The following INTU variants were observed in gnomAD, a reference collection of about 807,000 sequenced individuals.
INTU encodes the protein inturned planar cell polarity protein.
Under a neutral mutation model 100.5 loss-of-function variants are expected in INTU, and 68 were observed. The ratio of observed to expected loss-of-function variants is 0.68; its 90% CI spans 0.56 to 0.83. INTU has a LOEUF of 0.83. INTU is among the 40% of genes least tolerant of loss of function. INTU has a pLI of 0.00. For missense variants in INTU, 1,071 were observed against 1,114.7 expected (o/e 0.96, Z 0.56); for synonymous variants, 357 against 395.7 (o/e 0.90, Z 1.16).
intron 2 of INTU, among the ~76,000 whole-genome samples, chr4:127,651,784 C>A (rs1727893729): frequency 6.6e-6 from 1 of 150,914 alleles, no homozygotes; most frequent in African/African-American, 2.5e-5. Flanking sequence ...ATGGGGATGG[C>A]ATTGAATCTG....
rs1408339185 is a variant in INTU at position 127,722,644 on chromosome 4, G to C, written c.*6208G>C. 2.0e-5 allele frequency: 3 copies of C among 152,334 alleles called. No homozygotes were observed. The highest frequency in any genetic ancestry group is 2.0e-4 in the Admixed American group (3 of 15,288). The allele number at this position is 152,334 out of a possible 1,614,324, so 9.4% of individuals were successfully genotyped here. A position where few individuals can be genotyped will look rare whatever the true frequency, so the allele number is the denominator to read the frequency against. On this transcript the variant is annotated 3_prime_UTR_variant, in exon 16 of 16. Coordinates refer to ENST00000335251, the MANE Select transcript of INTU (RefSeq NM_015693.4). The stretch of plus-strand genomic sequence containing the variant: ...GTTTTGTCCATAAACCCCTGGCTGG[G>C]GATGCTGAGATTCCCACAGGGAGGC...
chr4:127,676,515 G>A (rs1729191789), intron 6 of INTU, among the ~76,000 whole-genome samples: 1 of 151,772 alleles, frequency 6.6e-6, no homozygotes, highest in African/African-American at 2.4e-5. Context: ...GGGCCTTGGA[G>A]GCAGAGGTTG....
At chr4:127,651,061 G>T (rs1727844400) in intron 2 of INTU, among the ~76,000 whole-genome samples, 1 of 151,898 alleles carries the variant, frequency 6.6e-6, no homozygotes, top group South Asian at 2.1e-4. Context: ...TTTTTGATGG[G>T]GTTGTTTGTT....
chr4:127,643,915 CT>C lies in INTU; in HGVS notation c.543del (p.Leu182TrpfsTer39). 1 of 1,614,114 alleles carries C rather than the reference CT, an allele frequency of 6.2e-7. No individual in the cohort carries two copies. Among genetic ancestry groups the C allele is most frequent in the Non-Finnish European group, 8.5e-7 (1 of 1,180,012 alleles). ...TVIKAKEQLK[L>X]LEVLVGIIHQ... ...TATCAAAGCCAAAGAGCAGCTCAAG[CT>C]TCTGGAAGTGCTGGTTGGAATTATT... On this transcript the variant is annotated frameshift_variant, in exon 2 of 16. Transcript: ENST00000335251. LOFTEE classifies it high-confidence loss of function.
rs1731281123 is a variant in INTU at position 127,717,184 on chromosome 4, CTT to C, written c.*750_*751del. 6.6e-6 allele frequency: 1 copy of C among 152,124 alleles called. No individual in the cohort carries two copies. Among genetic ancestry groups the C allele is most frequent in the Non-Finnish European group, 1.5e-5 (1 of 68,026 alleles). 9.4% of individuals were successfully genotyped at this position (152,124 alleles called of 1,614,324 possible). A position where few individuals can be genotyped will look rare whatever the true frequency, so the allele number is the denominator to read the frequency against. ...GCCCTGGTGTGCATTGTTCCCCTCC[CTT>C]TGTCCATGTGTTCTCATGGTCAGCT... On this transcript the variant is annotated 3_prime_UTR_variant, in exon 16 of 16. Coordinates refer to ENST00000335251, the MANE Select transcript of INTU (RefSeq NM_015693.4).
chr4:127,678,756 G>A (rs890653024), intron 6 of INTU, among the ~76,000 whole-genome samples: 4 of 152,042 alleles, frequency 2.6e-5, no homozygotes, highest in African/African-American at 4.8e-5. Context: ...TAACAATATT[G>A]ACTTTAAATG....
intron 2 of INTU, among the ~76,000 whole-genome samples, chr4:127,655,331 GT>G (rs1377590647): frequency 5.9e-5 from 9 of 152,124 alleles, no homozygotes; most frequent in South Asian, 2.1e-4. Context: ...TTTCTGTTCT[GT>G]TTTTTCCCCA....
rs911112499 is a variant in INTU at position 127,706,602 on chromosome 4, T to C, written c.1904T>C (p.Leu635Pro). 12 of 1,613,990 alleles carry C rather than the reference T, an allele frequency of 7.4e-6. No individual in the cohort carries two copies. Among genetic ancestry groups the C allele is most frequent in the Non-Finnish European group, 5.9e-6 (7 of 1,179,988 alleles). The change falls in exon 12 of 16, where the codon CTG (leucine) becomes CCG (proline). Residue 635 changes from leucine (L) to proline (P), a missense_variant. Transcript: ENST00000335251. Reference protein sequence around the residue: ...VDQVKTTLHQLDGVDSRIDER... With the variant: ...VDQVKTTLHQPDGVDSRIDER... ...CAAGTCAAAACAACTCTTCACCAGC[T>C]GGATGGAGTAGATTCTCGCATAGAT... is the stretch of plus-strand genomic sequence containing the variant.
chr4:127,676,692 G>A (rs1016625507), intron 6 of INTU, among the ~76,000 whole-genome samples: 2 of 152,102 alleles, frequency 1.3e-5, no homozygotes, highest in African/African-American at 4.8e-5. Flanking sequence ...GGTGATTTCT[G>A]CATTTCCATC....
chr4:127,674,083 T>G, intron 5 of INTU, 41 bp from the exon 6 acceptor site: 1 of 1,300,326 alleles, frequency 7.7e-7, no homozygotes, highest in East Asian at 2.3e-5. Context: ...TTATGACATT[T>G]AAAGGTATTC....
At position 127,643,734 on chromosome 4, in the gene INTU, GAA is replaced by G. The variant is rs1427570630; in HGVS notation, c.363_364del (p.Arg122ThrfsTer8). 1.2e-6 allele frequency: 2 copies of G among 1,610,436 alleles called. No homozygotes were observed. The highest frequency in any genetic ancestry group is 1.7e-6 in the Non-Finnish European group (2 of 1,179,054). On this transcript the variant is annotated frameshift_variant, in exon 2 of 16. Transcript: ENST00000335251. LOFTEE classifies it high-confidence loss of function. ...AGCAGTTTACCAAAATTTTAAGAAG[GAA>G]AAGACTTTTACCCAAGCGCTGCAAT... Reference protein sequence around the residue: ...LKQFTKILRRKRLLPKRCNKK... With the variant: ...LKQFTKILRRXRLLPKRCNKK...
intron 6 of INTU, among the ~76,000 whole-genome samples, chr4:127,678,640 C>A (rs960090448): frequency 2.1e-4 from 32 of 152,192 alleles, no homozygotes; most frequent in African/African-American, 6.5e-4. Flanking sequence ...CCGGCCACTG[C>A]AAAATCATGC....
chr4:127,653,816 G>A (rs956375427), intron 2 of INTU, among the ~76,000 whole-genome samples: 4 of 151,736 alleles, frequency 2.6e-5, no homozygotes, highest in South Asian at 2.1e-4. Flanking sequence ...AATGTTGACA[G>A]TGGGGTGTTA....
Position 127,643,790 on chromosome 4 carries a change from T to C in INTU, c.416T>C (p.Val139Ala). The C allele has an allele frequency of 1.9e-6, 3 of 1,614,024 alleles. No homozygotes were observed. The highest frequency in any genetic ancestry group is 2.5e-6 in the Non-Finnish European group (3 of 1,179,990). The change falls in exon 2 of 16, where the codon GTA (valine) becomes GCA (alanine). Residue 139 changes from valine (V) to alanine (A), a missense_variant. By Grantham distance (64) the Val-to-Ala change is moderately conservative. Coordinates refer to ENST00000335251, the MANE Select transcript of INTU (RefSeq NM_015693.4). The stretch of plus-strand genomic sequence containing the variant: ...AAAAATAGCAATGACAATGGACCAG[T>C]ATCCATTCTAAAGCATCAGTCCAAT... ...NKKNSNDNGP[V>A]SILKHQSNQK...
chr4:127,690,885 A>G (rs1259921698), intron 8 of INTU, among the ~76,000 whole-genome samples: 1 of 151,998 alleles, frequency 6.6e-6, no homozygotes, highest in Non-Finnish European at 1.5e-5. Flanking sequence ...ATTAGGGTTC[A>G]TTCTTGGTGG....
In INTU at chr4:127,713,770, A is replaced by G. The variant is rs565597695; in HGVS notation, c.2560-166A>G. Among the ~76,000 whole-genome samples the G allele has an allele frequency of 6.0e-4, 91 of 152,352 alleles. 1 individual carries two copies. The South Asian group carries it at 0.017, about 28-fold the overall frequency. On this transcript the variant is annotated intron_variant, in intron 14 of 15. Transcript: ENST00000335251. ...TTATCCATGAAGTCTCCTTTAGGAT[A>G]TGGTATTTAAGTTTTGAGGAAGAGT...
chr4:127,705,664 T>A lies in INTU; in HGVS notation c.1640T>A (p.Leu547Gln), dbSNP rs1317470901. Reference sequence around the variant, plus strand: ...GCCGTATACTGTCGCCACTATTGCCTGCTGCCTTTAGCAGCAAAACAAAGA... The same window carrying A: ...GCCGTATACTGTCGCCACTATTGCCAGCTGCCTTTAGCAGCAAAACAAAGA... ...DIAVYCRHYC[L>Q]LPLAAKQRIG... The change falls in exon 11 of 16, where the codon CTG becomes CAG. Residue 547 changes from leucine (L) to glutamine (Q), a missense_variant. Physicochemically the swap from Leu to Gln is moderately radical, Grantham distance 113. Coordinates refer to ENST00000335251, the MANE Select transcript of INTU (RefSeq NM_015693.4). 3.9e-5 allele frequency: 63 copies of A among 1,613,914 alleles called. 1 individual carries two copies. The Admixed American group carries it at 1.1e-3, about 27-fold the overall frequency.
chr4:127,679,610 A>G (rs1729418449), intron 6 of INTU, among the ~76,000 whole-genome samples: 1 of 152,206 alleles, frequency 6.6e-6, no homozygotes, highest in African/African-American at 2.4e-5. Flanking sequence ...AGCAGTGCAT[A>G]GAGGGAAATT....
rs1728252574 is a variant in INTU, at chr4:127,656,832, G to A, written c.768+111G>A. 9.4e-6 allele frequency: 5 copies of A among 533,842 alleles called. No individual in the cohort carries two copies. The South Asian group carries it at 1.6e-4, about 17-fold the overall frequency. 33.1% of individuals were successfully genotyped at this position (533,842 alleles called of 1,614,324 possible). On this transcript the variant is annotated intron_variant, in intron 3 of 15. Transcript: ENST00000335251. ...CTGAAAAGTATCATGTATAATGGAT[G>A]AGTTACACTGATACTTGCCTATTTA...
Sources: allele counts gnomAD v4.1 joint callset (sites outside exome capture counted in the v4.1 genomes callset), GRCh38; gene constraint gnomAD v4.1.1; transcripts MANE v1.5; gene names NCBI Gene and HGNC (gene_info 2026-07-23, HGNC 2026-07-21).